RARB: variants seen among roughly 807,000 people sequenced by gnomAD.
RARB encodes retinoic acid receptor beta.
Under a neutral mutation model 51.9 loss-of-function variants are expected in RARB, and 17 were observed. The observed-to-expected ratio is 0.33, with a 90% confidence interval of 0.22 to 0.49. The LOEUF is 0.49. Among genes scored for constraint, RARB ranks in the 20% least tolerant of loss-of-function variants. The pLI, the probability that RARB is intolerant of heterozygous loss-of-function variation, is 0.99. For synonymous variants in RARB, 215 were observed against 195.4 expected, an observed-to-expected ratio of 1.10 and a Z score of -0.84; for missense variants, 369 against 550.8, an observed-to-expected ratio of 0.67 and a Z score of 3.30.
At chr3:25,543,365 C>A (rs949223672) in intron 3 of RARB, among the ~76,000 whole-genome samples, 2 of 152,136 alleles carry the variant, frequency 1.3e-5, no homozygotes, top group African/African-American at 2.4e-5. Context: ...CTCGCTCCCC[C>A]CAACCAGTTC....
upstream of RARB, among the ~76,000 whole-genome samples, chr3:25,423,865 C>T (rs1043447076): frequency 9.9e-5 from 15 of 152,214 alleles, no homozygotes; most frequent in African/African-American, 3.6e-4. Flanking sequence ...TGGTTCGCAG[C>T]TCACTGCTCA....
chr3:25,096,153 C>A (rs1699288663), intron 3 of RARB, among the ~76,000 whole-genome samples: 1 of 152,158 alleles, frequency 6.6e-6, no homozygotes, highest in African/African-American at 2.4e-5. Flanking sequence ...CTCAACGTGG[C>A]TGGTTTTTGT....
intron 4 of RARB, among the ~76,000 whole-genome samples, chr3:25,171,752 TAGAA>T (rs1235946990): frequency 6.6e-6 from 1 of 151,320 alleles, no homozygotes; most frequent in African/African-American, 2.4e-5. Flanking sequence ...CAAATGGAGA[TAGAA>T]AGACCATTTA....
At position 24,832,443 on chromosome 3, in the gene RARB, C is replaced by A. The variant is rs1246496625; in HGVS notation, c.-459+3040C>A. Among the ~76,000 whole-genome samples, 3 of 151,694 alleles carry A rather than the reference C, an allele frequency of 2.0e-5. No homozygotes were observed. In the East Asian group the frequency reaches 5.8e-4, roughly 29 times the overall value. On this transcript the variant is annotated intron_variant, in intron 1 of 11. Transcript: ENST00000383772. The stretch of plus-strand genomic sequence containing the variant: ...AAGCAAGCTGTTCATTACAGTGGAG[C>A]CTGGTGACTGTGTAAGATTGGGGTA...
chr3:25,256,570 A>G (rs929257545), intron 5 of RARB, among the ~76,000 whole-genome samples: 1 of 152,192 alleles, frequency 6.6e-6, no homozygotes, highest in African/African-American at 2.4e-5. Context: ...GCTGCAAAGT[A>G]GCCCATAATC....
chr3:25,494,794 A>G (rs1248518731), intron 2 of RARB, among the ~76,000 whole-genome samples: 2 of 152,166 alleles, frequency 1.3e-5, no homozygotes, highest in Admixed American at 6.5e-5. Flanking sequence ...ACACTGTCCT[A>G]TACTATTTGG....
At chr3:25,286,169 A>G (rs1048064931) in intron 5 of RARB, among the ~76,000 whole-genome samples, 18 of 131,518 alleles carry the variant, frequency 1.4e-4, no homozygotes, top group African/African-American at 5.2e-4. Flanking sequence ...GCTCACTGCA[A>G]GCTCCATCTC....
chr3:25,285,206 G>T (rs1703619568), intron 5 of RARB, among the ~76,000 whole-genome samples: 1 of 152,198 alleles, frequency 6.6e-6, no homozygotes, highest in Non-Finnish European at 1.5e-5. Context: ...TAGCAAAGGA[G>T]TTTGACCCAT....
intron 1 of RARB, among the ~76,000 whole-genome samples, chr3:24,847,140 C>T (rs913526174): frequency 2.0e-5 from 3 of 152,134 alleles, no homozygotes; most frequent in African/African-American, 7.2e-5. Flanking sequence ...GGGACCACAC[C>T]GAATCAGGTA....
intron 2 of RARB, among the ~76,000 whole-genome samples, chr3:24,875,434 T>C (rs943022499): frequency 3.3e-5 from 5 of 152,164 alleles, no homozygotes; most frequent in Admixed American, 6.5e-5. Flanking sequence ...TTATGTACTT[T>C]AGCCTCAATT....
chr3:25,299,406 C>G (rs986000171), intron 5 of RARB, among the ~76,000 whole-genome samples: 1 of 152,076 alleles, frequency 6.6e-6, no homozygotes, highest in African/African-American at 2.4e-5. Context: ...CACCATGTTG[C>G]CCAGGCTGGT....
At chr3:24,865,234 C>G (rs1443621716) in intron 2 of RARB, among the ~76,000 whole-genome samples, 2 of 152,090 alleles carry the variant, frequency 1.3e-5, no homozygotes, top group East Asian at 3.8e-4. Context: ...TCCAGGACTT[C>G]CTGTGTATAC....
At chr3:25,428,987 A>AATTGGTAGC in intron 1 of RARB, 99 bp downstream of exon 1, 1 of 1,366,396 alleles carries the variant, frequency 7.3e-7, no homozygotes, top group Non-Finnish European at 9.8e-7. Context: ...GTAGCAAGAC[A>AATTGGTAGC]AAGGATTTAA....
In RARB at chr3:24,951,872, GTTTTC is replaced by G. The variant is rs530443480; in HGVS notation, c.-380+93123_-380+93127del. On this transcript the variant is annotated intron_variant, in intron 2 of 11. Coordinates refer to the RARB transcript ENST00000383772. ...ACCAGTAGGGATTTGACTCACCTTTGTTTTCTTCTGGAGAATAGTTTCTGCAAATT... is the reference window on the plus strand; with the variant it reads ...ACCAGTAGGGATTTGACTCACCTTTGTTCTGGAGAATAGTTTCTGCAAATT... Among the ~76,000 whole-genome samples, 4 of 152,200 alleles carry G rather than the reference GTTTTC, an allele frequency of 2.6e-5. No homozygotes were observed. The South Asian group carries it at 6.2e-4, about 24-fold the overall frequency.
chr3:25,249,081 G>T (rs767586553), intron 5 of RARB, among the ~76,000 whole-genome samples: 1 of 151,994 alleles, frequency 6.6e-6, no homozygotes, highest in East Asian at 1.9e-4. Flanking sequence ...CAAATATTTG[G>T]TCACTTTATG....
At chr3:25,121,098 G>A (rs182903104) in intron 3 of RARB, among the ~76,000 whole-genome samples, 1 of 152,286 alleles carries the variant, frequency 6.6e-6, no homozygotes, top group Admixed American at 6.5e-5. Context: ...AAAGTGGTGG[G>A]AAAGCCTGAA....
At chr3:25,575,189 C>G (rs1048426878) in intron 4 of RARB, among the ~76,000 whole-genome samples, 2 of 152,122 alleles carry the variant, frequency 1.3e-5, no homozygotes, top group African/African-American at 4.8e-5. Context: ...GTTCATGTTC[C>G]TATGAGAATG....
At chr3:24,926,301 T>G (rs945610596) in intron 2 of RARB, among the ~76,000 whole-genome samples, 1 of 148,674 alleles carries the variant, frequency 6.7e-6, no homozygotes, top group African/African-American at 2.4e-5. Context: ...AAGCCTACTT[T>G]TAAAAATATA....
In RARB at chr3:24,855,744, A is replaced by ATTTTTTT. The variant is rs34706427; in HGVS notation, c.-458-2915_-458-2909dup. ...TTCCAGATGGAAACTGGAAATCTGC[A>ATTTTTTT]TTTTTTTTTTTTTTTTTTTTTGAGA... is the stretch of plus-strand genomic sequence containing the variant. On this transcript the variant is annotated intron_variant, in intron 1 of 11. Coordinates refer to the RARB transcript ENST00000383772. 2.5e-4 allele frequency among the ~76,000 whole-genome samples: 28 copies of ATTTTTTT among 110,178 alleles called. 1 individual carries two copies. The highest frequency in any genetic ancestry group is 8.5e-4 in the African/African-American group (24 of 28,214). The allele number at this position is 110,178 out of a possible 152,430, so 72.3% of individuals were successfully genotyped here. A position where few individuals can be genotyped will look rare whatever the true frequency, so the allele number is the denominator to read the frequency against.
Sources: allele counts gnomAD v4.1 joint callset (sites outside exome capture counted in the v4.1 genomes callset), GRCh38; gene constraint gnomAD v4.1.1; transcripts MANE v1.5; gene names NCBI Gene and HGNC (gene_info 2026-07-23, HGNC 2026-07-21).